The following NBAS variants were observed in gnomAD, a reference collection of about 807,000 sequenced individuals.
NBAS encodes the protein NBAS subunit of NRZ tethering complex.
A neutral mutation model predicts 302.5 loss-of-function variants in NBAS; 219 were observed. The observed-to-expected ratio is 0.72, with a 90% confidence interval of 0.65 to 0.81. NBAS has a LOEUF of 0.81. Among genes scored for constraint, NBAS ranks in the 30% least tolerant of loss-of-function variants. NBAS has a pLI of 0.00. For missense variants in NBAS, 2,932 were observed against 2,841.6 expected, an observed-to-expected ratio of 1.03 and a Z score of -0.72; for synonymous variants, 1,118 against 1,021.6, an observed-to-expected ratio of 1.09 and a Z score of -1.80.
intron 6 of NBAS, among the ~76,000 whole-genome samples, chr2:15,544,193 G>C (rs916902261): frequency 6.6e-6 from 1 of 152,130 alleles, no homozygotes; most frequent in African/African-American, 2.4e-5. Flanking sequence ...GAACCAGTGA[G>C]CAAGGGCAAA....
At chr2:15,511,528 A>C (rs1662146006) in intron 9 of NBAS, among the ~76,000 whole-genome samples, 178 bp from the exon 10 acceptor site, 1 of 152,244 alleles carries the variant, frequency 6.6e-6, no homozygotes, top group African/African-American at 2.4e-5. Context: ...ACTGTTTTTC[A>C]ATTAGAATTT....
intron 42 of NBAS, among the ~76,000 whole-genome samples, chr2:15,281,059 C>T (rs1409172831): frequency 6.6e-6 from 1 of 152,138 alleles, no homozygotes; most frequent in African/African-American, 2.4e-5. Flanking sequence ...TTCAAGAACA[C>T]CCAGGGAGTT....
the NBAS span, among the ~76,000 whole-genome samples, chr2:14,856,258 A>G: frequency 6.6e-6 from 1 of 152,360 alleles, no homozygotes; most frequent in Non-Finnish European, 1.5e-5. Flanking sequence ...TGTCCCCTAA[A>G]GCAAATACAG....
the NBAS span, among the ~76,000 whole-genome samples, chr2:15,105,631 T>C: frequency 2.0e-5 from 3 of 152,120 alleles, no homozygotes; most frequent in African/African-American, 7.2e-5. Context: ...CCCGTGTGCC[T>C]GAGAACAAAA....
chr2:15,495,394 G>A (rs1214458467), intron 11 of NBAS, among the ~76,000 whole-genome samples: 1 of 151,576 alleles, frequency 6.6e-6, no homozygotes, highest in East Asian at 1.9e-4. Context: ...AAGGACAAAA[G>A]AATAAAGGAA....
chr2:15,548,283 A>AT (rs1558430683), intron 6 of NBAS, among the ~76,000 whole-genome samples: 1 of 152,230 alleles, frequency 6.6e-6, no homozygotes, highest in Non-Finnish European at 1.5e-5. Flanking sequence ...ATTGGGTGAG[A>AT]TATGGCCCCT....
intron 44 of NBAS, among the ~76,000 whole-genome samples, chr2:15,274,372 C>A (rs72776645): frequency 2.0e-5 from 3 of 152,172 alleles, no homozygotes; most frequent in Non-Finnish European, 4.4e-5. Context: ...ACAATCTTTG[C>A]GATAGGGTAC....
At chr2:15,469,876 T>C (rs1390822885) in intron 16 of NBAS, among the ~76,000 whole-genome samples, 1 of 150,636 alleles carries the variant, frequency 6.6e-6, no homozygotes, top group Non-Finnish European at 1.5e-5. Flanking sequence ...TTAGGAGATA[T>C]GCCTAATGTA....
At chr2:14,823,470 G>T in the NBAS span, among the ~76,000 whole-genome samples, 1 of 152,180 alleles carries the variant, frequency 6.6e-6, no homozygotes, top group African/African-American at 2.4e-5. Context: ...TGAGGAAACA[G>T]AACCTAGATA....
the NBAS span, among the ~76,000 whole-genome samples, chr2:15,058,412 A>G: frequency 4.6e-5 from 7 of 152,234 alleles, no homozygotes; most frequent in Admixed American, 3.9e-4. Context: ...AAACCCTATA[A>G]TTTATTATCT....
intron 42 of NBAS, among the ~76,000 whole-genome samples, chr2:15,277,385 T>C (rs1317463960): frequency 1.3e-5 from 2 of 152,232 alleles, no homozygotes; most frequent in Non-Finnish European, 2.9e-5. Flanking sequence ...TTGGGAGAGC[T>C]GTCTGATGTC....
chr2:14,973,943 T>C, the NBAS span, among the ~76,000 whole-genome samples: 1 of 152,214 alleles, frequency 6.6e-6, no homozygotes, highest in South Asian at 2.1e-4. Context: ...CTGCCTGAAA[T>C]GCCATTCCCC....
chr2:15,229,204 T>TGGTAGTG (rs1208225350), intron 47 of NBAS, among the ~76,000 whole-genome samples: 1 of 151,502 alleles, frequency 6.6e-6, no homozygotes, highest in Admixed American at 6.6e-5. Flanking sequence ...TATCCGGGCA[T>TGGTAGTG]GGTAGTGGGC....
the NBAS span, among the ~76,000 whole-genome samples, chr2:15,007,413 G>A: frequency 3.9e-5 from 6 of 152,128 alleles, no homozygotes; most frequent in Admixed American, 6.5e-5. Context: ...TTAAATTCAA[G>A]CATATCTTAG....
chr2:15,357,800 T>C (rs1673697616), intron 32 of NBAS, among the ~76,000 whole-genome samples: 1 of 152,208 alleles, frequency 6.6e-6, no homozygotes, highest in African/African-American at 2.4e-5. Flanking sequence ...TACATAGGAA[T>C]GGGATATGGC....
chr2:15,133,124 G>C, the NBAS span, among the ~76,000 whole-genome samples: 13 of 152,168 alleles, frequency 8.5e-5, no homozygotes. Context: ...TGGTTGTTAA[G>C]GCCTACTGTA....
At chr2:15,404,794 T>C (rs932770541) in intron 25 of NBAS, among the ~76,000 whole-genome samples, 3 of 152,182 alleles carry the variant, frequency 2.0e-5, no homozygotes, top group African/African-American at 7.2e-5. Context: ...ATTACAGGCA[T>C]GAGCCACTGC....
intron 9 of NBAS, among the ~76,000 whole-genome samples, chr2:15,532,115 T>C (rs2148676432): frequency 6.6e-6 from 1 of 152,296 alleles, no homozygotes; most frequent in South Asian, 2.1e-4. Flanking sequence ...AATCATGAAA[T>C]ATGGAAAATC....
chr2:15,224,903 G>T (rs1330065150), intron 47 of NBAS, among the ~76,000 whole-genome samples: 3 of 152,214 alleles, frequency 2.0e-5, no homozygotes, highest in Admixed American at 6.5e-5. Context: ...CTTCCCAGGA[G>T]AATGTCTTCT....
Sources: allele counts gnomAD v4.1 joint callset (sites outside exome capture counted in the v4.1 genomes callset), GRCh38; gene constraint gnomAD v4.1.1; transcripts MANE v1.5; gene names NCBI Gene and HGNC (gene_info 2026-07-23, HGNC 2026-07-21).